The following PTCHD4 variants were observed in gnomAD, a reference collection of about 807,000 sequenced individuals.
PTCHD4 encodes the protein patched domain-containing protein 4.
PTCHD4 carries 33 observed loss-of-function variants against 58.1 expected under a neutral mutation model. The ratio of observed to expected loss-of-function variants is 0.57; its 90% confidence interval spans 0.43 to 0.76. PTCHD4 has a LOEUF of 0.76. PTCHD4 is among the 30% of genes least tolerant of loss of function. PTCHD4 has a pLI of 0.00. For synonymous variants in PTCHD4, 478 were observed against 409.6 expected (o/e 1.17, Z -2.02); for missense variants, 1,058 against 1,027.1 (o/e 1.03, Z -0.41).
At chr6:47,965,003 C>T (rs139752845) in intron 4 of PTCHD4, among the ~76,000 whole-genome samples, 179 of 152,088 alleles carry the variant, frequency 1.2e-3, no homozygotes, top group Admixed American at 2.4e-3. Flanking sequence ...ACTGCCATTA[C>T]GTATTTGTAT....
intron 3 of PTCHD4, among the ~76,000 whole-genome samples, chr6:48,066,837 A>G (rs332575): frequency 0.17 from 25,873 of 151,818 alleles, 2,373 homozygotes; most frequent in African/African-American, 0.24. Context: ...GTTTCCCTGA[A>G]GAATCTCTAG....
chr6:47,930,132 T>C lies in PTCHD4; in HGVS notation c.899-50196A>G, dbSNP rs567320820. ...GAAAATAGTATATATTTTTCTAAAG[T>C]GGATGCAAAAGAAAGGAAAGAGAAG... On this transcript the variant is annotated intron_variant, in intron 4 of 4. Coordinates refer to ENST00000339488, the MANE Select transcript of PTCHD4 (RefSeq NM_001384253.1). 2.0e-5 allele frequency among the ~76,000 whole-genome samples: 3 copies of C among 152,220 alleles called. No individual in the cohort carries two copies. In the East Asian group the frequency reaches 5.8e-4, roughly 29 times the overall value.
At chr6:47,892,343 T>G (rs913761492) in intron 4 of PTCHD4, among the ~76,000 whole-genome samples, 1 of 152,118 alleles carries the variant, frequency 6.6e-6, no homozygotes, top group Non-Finnish European at 1.5e-5. Flanking sequence ...ATTATGACAA[T>G]CTTATCATTT....
intron 4 of PTCHD4, among the ~76,000 whole-genome samples, chr6:47,912,836 A>G (rs1419220766): frequency 2.0e-5 from 3 of 152,136 alleles, no homozygotes; most frequent in Non-Finnish European, 4.4e-5. Flanking sequence ...GGTGACTTGA[A>G]TTTCAGTGGA....
chr6:48,086,700 T>C (rs923882095), intron 1 of PTCHD4, among the ~76,000 whole-genome samples: 12 of 152,284 alleles, frequency 7.9e-5, no homozygotes, highest in Middle Eastern at 3.4e-3. Flanking sequence ...TTTTTCCCCT[T>C]AGCTTTTCTT....
At chr6:47,885,445 C>A (rs1269385519) in intron 4 of PTCHD4, among the ~76,000 whole-genome samples, 1 of 152,010 alleles carries the variant, frequency 6.6e-6, no homozygotes, top group Non-Finnish European at 1.5e-5. Flanking sequence ...TGCAATTGAG[C>A]CACATGAAAA....
Position 48,069,140 on chromosome 6 carries a change from A to AGCGG in PTCHD4, c.-184_-183insCCGC, listed in dbSNP as rs1245258493. On this transcript the variant is annotated 5_prime_UTR_variant, in exon 2 of 5. An upstream open reading frame in the 5' UTR gains an earlier in-frame stop. Coordinates refer to ENST00000339488, the MANE Select transcript of PTCHD4 (RefSeq NM_001384253.1). ...TAAGAAGCAGACATGTGCCCCATAA[A>AGCGG]GGGGGGGGGGGCTGAGGGGGGGAGA... Among the ~76,000 whole-genome samples the AGCGG allele has an allele frequency of 1.1e-4, 5 of 47,338 alleles. No homozygotes were observed. The highest frequency in any genetic ancestry group is 2.2e-3 in the South Asian group (2 of 916). The allele number at this position is 47,338 out of a possible 152,430, so 31.1% of individuals were successfully genotyped here.
intron 4 of PTCHD4, among the ~76,000 whole-genome samples, chr6:47,892,855 G>A (rs938093474): frequency 7.2e-5 from 11 of 152,176 alleles, no homozygotes; most frequent in African/African-American, 2.4e-4. Flanking sequence ...TCCACAGCTG[G>A]ATTTTTTTCT....
intron 1 of PTCHD4, among the ~76,000 whole-genome samples, chr6:48,104,588 T>C (rs1382480396): frequency 2.6e-5 from 4 of 152,140 alleles, no homozygotes; most frequent in African/African-American, 9.7e-5. Flanking sequence ...TAGGATCAAA[T>C]TCACACATAA....
intron 4 of PTCHD4, among the ~76,000 whole-genome samples, chr6:48,004,031 A>T (rs1768848679): frequency 6.6e-6 from 1 of 152,184 alleles, no homozygotes; most frequent in African/African-American, 2.4e-5. Flanking sequence ...ATCATATAAC[A>T]TAGTTTATAT....
At chr6:48,082,176 G>T (rs552273745) in intron 1 of PTCHD4, among the ~76,000 whole-genome samples, 1 of 152,314 alleles carries the variant, frequency 6.6e-6, no homozygotes, top group Non-Finnish European at 1.5e-5. Context: ...CTTGGCTTAA[G>T]ATTTTCTTCT....
In PTCHD4 at chr6:47,859,373, G is replaced by C. The variant is rs1349789468; in HGVS notation, c.*18930C>G. 6.6e-6 allele frequency among the ~76,000 whole-genome samples: 1 copy of C among 151,942 alleles called. No homozygotes were observed. The highest frequency in any genetic ancestry group is 1.5e-5 in the Non-Finnish European group (1 of 67,972). ...TGATAAATATTTAAGGGAGTGCAGG[G>C]GTAGATGTTAATATTACCTAGCAAA... On this transcript the variant is annotated 3_prime_UTR_variant, in exon 5 of 5. Transcript: ENST00000339488.
intron 4 of PTCHD4, among the ~76,000 whole-genome samples, chr6:47,886,617 C>T (rs544011721): frequency 1.3e-5 from 2 of 152,078 alleles, no homozygotes; most frequent in Non-Finnish European, 2.9e-5. Context: ...CGTGACATCC[C>T]AATGCCAACT....
At position 48,104,897 on chromosome 6, in the gene PTCHD4, A is replaced by G. The variant is rs376081363; in HGVS notation, c.-970+6152T>C. On this transcript the variant is annotated intron_variant, in intron 1 of 4. Transcript: ENST00000339488. ...TAAAGGGATCAATTCAACAAGAAGA[A>G]CTAACTATCCTAAATATATATGCAC... Among the ~76,000 whole-genome samples the G allele has an allele frequency of 1.3e-3, 195 of 152,242 alleles. 4 individuals carry two copies. The South Asian group carries it at 0.039, about 30-fold the overall frequency.
intron 1 of PTCHD4, among the ~76,000 whole-genome samples, chr6:48,094,979 T>C (rs1388906651): frequency 6.6e-6 from 1 of 152,158 alleles, no homozygotes; most frequent in Admixed American, 6.5e-5. Context: ...GAGAAAATAC[T>C]TCAATGCAAG....
rs1439167489 is a variant in PTCHD4 at position 48,069,150 on chromosome 6, G to T, written c.-193C>A. Among the ~76,000 whole-genome samples the T allele has an allele frequency of 4.4e-5, 6 of 135,344 alleles. No individual in the cohort carries two copies. Among genetic ancestry groups the T allele is most frequent in the South Asian group, 3.0e-4 (1 of 3,320 alleles). The allele number at this position is 135,344 out of a possible 152,430, so 88.8% of individuals were successfully genotyped here. ...ACATGTGCCCCATAAAGGGGGGGGGGGCTGAGGGGGGGAGAGGAGGGAGAA... is the reference window on the plus strand; with the variant it reads ...ACATGTGCCCCATAAAGGGGGGGGGTGCTGAGGGGGGGAGAGGAGGGAGAA... On this transcript the variant is annotated 5_prime_UTR_variant, in exon 2 of 5. Transcript: ENST00000339488.
chr6:47,882,614 T>TATG, intron 4 of PTCHD4, among the ~76,000 whole-genome samples: 1 of 151,632 alleles, frequency 6.6e-6, no homozygotes, highest in South Asian at 2.1e-4. Flanking sequence ...TTAGCTTTGT[T>TATG]TATGTTATTT....
chr6:48,100,823 T>C (rs1765589285), intron 1 of PTCHD4, among the ~76,000 whole-genome samples: 1 of 152,216 alleles, frequency 6.6e-6, no homozygotes, highest in Non-Finnish European at 1.5e-5. Flanking sequence ...GAGTCGTGCA[T>C]CTACCACTTG....
Position 48,097,462 on chromosome 6 carries a change from T to C in PTCHD4, c.-970+13587A>G, listed in dbSNP as rs569426142. The stretch of plus-strand genomic sequence containing the variant: ...ATAAATTATAGATTTGGAATTTAAA[T>C]GCAAATCTAAAGAATTCCAAGTAGC... On this transcript the variant is annotated intron_variant, in intron 1 of 4. Coordinates refer to ENST00000339488, the MANE Select transcript of PTCHD4 (RefSeq NM_001384253.1). Among the ~76,000 whole-genome samples the C allele has an allele frequency of 3.7e-4, 57 of 152,322 alleles. 2 individuals are homozygous for C. The South Asian group carries it at 0.011, about 29-fold the overall frequency.
Sources: allele counts gnomAD v4.1 joint callset (sites outside exome capture counted in the v4.1 genomes callset), GRCh38; gene constraint gnomAD v4.1.1; transcripts MANE v1.5; gene names NCBI Gene and HGNC (gene_info 2026-07-23, HGNC 2026-07-21).